The following PBX1 variants were observed in gnomAD, a reference collection of about 807,000 sequenced individuals.
PBX1 encodes the protein pre-B-cell leukemia transcription factor 1.
A neutral mutation model predicts 53.4 loss-of-function variants in PBX1; 6 were observed. The ratio of observed to expected loss-of-function variants is 0.11; its 90% CI spans 0.06 to 0.22. The LOEUF (loss-of-function observed/expected upper bound fraction) is 0.22, where lower values mean the gene tolerates loss of function less well. PBX1 is among the 10% of genes least tolerant of loss of function. PBX1 has a pLI of 1.00. For synonymous variants in PBX1, 204 were observed against 212.3 expected, an observed-to-expected ratio of 0.96 and a Z score of 0.34; for missense variants, 251 against 551.4, an observed-to-expected ratio of 0.46 and a Z score of 5.46.
intron 2 of PBX1, among the ~76,000 whole-genome samples, chr1:164,610,155 C>T (rs1656814705): frequency 6.6e-6 from 1 of 152,180 alleles, no homozygotes; most frequent in Admixed American, 6.5e-5. Flanking sequence ...GCCCCAAATC[C>T]CTGCTTGCCA....
At chr1:164,684,578 TTC>T (rs1278009863) in intron 2 of PBX1, 1 of 152,206 alleles carries the variant, frequency 6.6e-6, no homozygotes, top group Non-Finnish European at 1.5e-5. Flanking sequence ...ATTTAGATAT[TTC>T]TCTGAGTGTT....
At chr1:164,585,906 T>C (rs1288347127) in intron 2 of PBX1, among the ~76,000 whole-genome samples, 1 of 152,234 alleles carries the variant, frequency 6.6e-6, no homozygotes, top group Admixed American at 6.5e-5. Context: ...CAATATATAG[T>C]TTCACCTCTT....
chr1:164,664,884 CA>C (rs1463738632), intron 2 of PBX1, among the ~76,000 whole-genome samples: 1 of 132,442 alleles, frequency 7.6e-6, no homozygotes, highest in Non-Finnish European at 1.7e-5. Context: ...CCCCATGATT[CA>C]ATTACCTCCC....
At position 164,849,715 on chromosome 1, in the gene PBX1, C is replaced by T. The variant is rs1671741259; in HGVS notation, c.*3039C>T. ...AATTGACGCCCGTGCAGTACATTTG[C>T]CAAGTGGCACCTTCTTTCAATTTAT... On this transcript the variant is annotated 3_prime_UTR_variant, in exon 9 of 9. Transcript: ENST00000420696. 3.5e-6 allele frequency: 1 copy of T among 286,840 alleles called. No homozygotes were observed. The highest frequency in any genetic ancestry group is 6.5e-6 in the Non-Finnish European group (1 of 153,066). 17.8% of individuals were successfully genotyped at this position (286,840 alleles called of 1,614,324 possible). A position where few individuals can be genotyped will look rare whatever the true frequency, so the allele number is the denominator to read the frequency against.
intron 2 of PBX1, among the ~76,000 whole-genome samples, chr1:164,757,759 A>G (rs2102212999): frequency 6.6e-6 from 1 of 152,084 alleles, no homozygotes; most frequent in East Asian, 1.9e-4. Flanking sequence ...GTCACCCAGC[A>G]TGTTTCCATT....
At chr1:164,752,833 G>A (rs1044561222) in intron 2 of PBX1, among the ~76,000 whole-genome samples, 2 of 152,208 alleles carry the variant, frequency 1.3e-5, no homozygotes, top group African/African-American at 4.8e-5. Flanking sequence ...TGAAGTCCTT[G>A]TGTACCATTC....
At chr1:164,613,289 C>T (rs775323196) in intron 2 of PBX1, among the ~76,000 whole-genome samples, 11 of 152,166 alleles carry the variant, frequency 7.2e-5, no homozygotes, top group Non-Finnish European at 1.2e-4. Context: ...GGTATGCATA[C>T]GGAAAACCTT....
chr1:164,801,290 T>TGTAATGCAGCCCGTTCTGC (rs1669056816), intron 4 of PBX1, among the ~76,000 whole-genome samples: 1 of 152,190 alleles, frequency 6.6e-6, no homozygotes, highest in African/African-American at 2.4e-5. Context: ...GCCAGGCTTC[T>TGTAATGCAGCCCGTTCTGC]GTAATGCAGC....
In PBX1 at chr1:164,847,626, C is replaced by T. The variant is rs1263561545; in HGVS notation, c.*950C>T. On this transcript the variant is annotated 3_prime_UTR_variant, in exon 9 of 9. Transcript: ENST00000420696. ...TCAACTATGCCTTCATAGACACACA[C>T]GTTCATGCACATGTAGGCACATGTA... 3.8e-6 allele frequency: 4 copies of T among 1,061,594 alleles called. No individual in the cohort carries two copies. Among genetic ancestry groups the T allele is most frequent in the African/African-American group, 1.6e-5 (1 of 60,962 alleles). 65.8% of individuals were successfully genotyped at this position (1,061,594 alleles called of 1,614,324 possible). A position where few individuals can be genotyped will look rare whatever the true frequency, so the allele number is the denominator to read the frequency against.
At chr1:164,654,812 T>C (rs1383722855) in intron 2 of PBX1, among the ~76,000 whole-genome samples, 1 of 152,222 alleles carries the variant, frequency 6.6e-6, no homozygotes, top group Non-Finnish European at 1.5e-5. Context: ...TCTTAAGCAT[T>C]TCTCTATTCA....
chr1:164,828,854 G>A (rs571244719), intron 8 of PBX1: 2 of 152,266 alleles, frequency 1.3e-5, no homozygotes, highest in East Asian at 1.9e-4. Flanking sequence ...AGAGTTCCAT[G>A]TTCTTAGACA....
Position 164,847,093 on chromosome 1 carries a change from C to T in PBX1, c.*417C>T. On this transcript the variant is annotated 3_prime_UTR_variant, in exon 9 of 9. Transcript: ENST00000420696. ...TTTTCATGCTGGTGGTTTGAGGAGC[C>T]AAATTTACCTCACTCGAATCCCTCA... is the stretch of plus-strand genomic sequence containing the variant. The T allele has an allele frequency of 9.1e-7, 1 of 1,094,552 alleles. No individual in the cohort carries two copies. The highest frequency in any genetic ancestry group is 1.1e-6 in the Non-Finnish European group (1 of 895,022). 67.8% of individuals were successfully genotyped at this position (1,094,552 alleles called of 1,614,324 possible).
intron 6 of PBX1, chr1:164,815,939 T>C (rs1669861229): frequency 6.6e-6 from 1 of 152,174 alleles, no homozygotes; most frequent in African/African-American, 2.4e-5. Flanking sequence ...CTCAGAGCCT[T>C]CATGCCCTAT....
chr1:164,626,781 G>A (rs764829134), intron 2 of PBX1, among the ~76,000 whole-genome samples: 5 of 152,118 alleles, frequency 3.3e-5, no homozygotes, highest in Non-Finnish European at 5.9e-5. Context: ...TCTCATCAAC[G>A]TTAATGACCA....
Position 164,585,374 on chromosome 1 carries a change from G to GTAA in PBX1, c.265+22064_265+22066dup, listed in dbSNP as rs5778398. On this transcript the variant is annotated intron_variant, in intron 2 of 8. Coordinates refer to ENST00000420696, the MANE Select transcript of PBX1 (RefSeq NM_002585.4). ...CCCAGGGCAGTTCTAATGTTTCTGA[G>GTAA]TAAGGAGTAGTGAGAAACTCAGTTT... Among the ~76,000 whole-genome samples, 135 of 152,308 alleles carry GTAA rather than the reference G, an allele frequency of 8.9e-4. 1 individual carries two copies. The highest frequency in any genetic ancestry group is 1.4e-3 in the Non-Finnish European group (98 of 68,026).
chr1:164,701,419 T>G (rs1663113715), intron 2 of PBX1, among the ~76,000 whole-genome samples: 1 of 152,224 alleles, frequency 6.6e-6, no homozygotes, highest in African/African-American at 2.4e-5. Context: ...GGAATTGCTG[T>G]TGTACTTCAT....
chr1:164,876,746 G>T (rs981355375), intron 2 of PBX1, among the ~76,000 whole-genome samples: 1 of 152,152 alleles, frequency 6.6e-6, no homozygotes, highest in African/African-American at 2.4e-5. Flanking sequence ...GCATTCTGGA[G>T]TGAGATCTAG....
intron 8 of PBX1, among the ~76,000 whole-genome samples, chr1:164,841,951 G>C (rs1671318980): frequency 6.6e-6 from 1 of 152,186 alleles, no homozygotes; most frequent in Non-Finnish European, 1.5e-5. Context: ...ACATCAGCCG[G>C]TTTGTGGCAC....
At chr1:164,783,869 C>G (rs1448700376) in intron 2 of PBX1, among the ~76,000 whole-genome samples, 4 of 152,120 alleles carry the variant, frequency 2.6e-5, no homozygotes, top group Admixed American at 2.6e-4. Context: ...GTGCTAGGTG[C>G]CTCACTGAGA....
Sources: gnomAD v4.1 joint callset for allele counts (sites outside exome capture counted in the v4.1 genomes callset) on GRCh38, gnomAD v4.1.1 for gene constraint, MANE v1.5 for transcripts, NCBI Gene and HGNC (gene_info 2026-07-23, HGNC 2026-07-21) for gene names.